DPYD: variants seen among roughly 807,000 people sequenced by gnomAD.
The protein encoded by DPYD is dihydropyrimidine dehydrogenase [NADP(+)].
DPYD carries 109 observed loss-of-function variants against 116.2 expected under a neutral mutation model. That is an observed-to-expected ratio of 0.94 (90% CI 0.80 to 1.10). The LOEUF is 1.10. Among genes scored for constraint, DPYD ranks in the 50% least tolerant of loss-of-function variants. DPYD has a pLI of 0.00. For missense variants in DPYD, 1,302 were observed against 1,254.5 expected (o/e 1.04, Z -0.57); for synonymous variants, 440 against 432.0 (o/e 1.02, Z -0.23).
intron 13 of DPYD, among the ~76,000 whole-genome samples, chr1:97,474,694 G>A (rs1039596151): frequency 6.6e-6 from 1 of 151,948 alleles, no homozygotes; most frequent in African/African-American, 2.4e-5. Context: ...GAACAAACTT[G>A]TGGTGGCATA....
At chr1:97,188,430 G>A (rs996895884) in intron 20 of DPYD, among the ~76,000 whole-genome samples, 9 of 152,040 alleles carry the variant, frequency 5.9e-5, no homozygotes, top group East Asian at 5.8e-4. Flanking sequence ...CAGATAATTC[G>A]TGCAATTTAA....
chr1:97,686,596 C>T (rs1443072206), intron 7 of DPYD, among the ~76,000 whole-genome samples: 1 of 128,734 alleles, frequency 7.8e-6, no homozygotes, highest in Non-Finnish European at 1.6e-5. Flanking sequence ...GAGATCGCGC[C>T]ACTGCACTCC....
chr1:97,096,918 G>T (rs1650296471), intron 21 of DPYD, among the ~76,000 whole-genome samples: 2 of 152,128 alleles, frequency 1.3e-5, no homozygotes, highest in African/African-American at 2.4e-5. Context: ...AACACTCACT[G>T]CGAAGGTCCA....
chr1:97,814,935 A>AGG (rs1553245558), intron 3 of DPYD, among the ~76,000 whole-genome samples: 4 of 79,300 alleles, frequency 5.0e-5, no homozygotes, highest in Admixed American at 1.4e-4. Flanking sequence ...AGAGAGAGGA[A>AGG]AGAAAGAAAG....
chr1:97,417,606 T>C (rs1287777654), intron 14 of DPYD, among the ~76,000 whole-genome samples: 1 of 152,214 alleles, frequency 6.6e-6, no homozygotes, highest in Non-Finnish European at 1.5e-5. Flanking sequence ...TAAATAGCCA[T>C]ATTGTGTTGC....
intron 20 of DPYD, among the ~76,000 whole-genome samples, chr1:97,172,130 G>A (rs953980500): frequency 1.3e-5 from 2 of 152,102 alleles, no homozygotes; most frequent in Non-Finnish European, 2.9e-5. Context: ...AATTTGAACC[G>A]CCCTCATTGT....
chr1:97,855,941 G>A (rs1174737727), intron 2 of DPYD: 5 of 152,212 alleles, frequency 3.3e-5, no homozygotes, highest in Non-Finnish European at 7.3e-5. Context: ...CAAGTTAAAG[G>A]TGAGAGACTG....
chr1:97,821,728 G>T (rs947505976), intron 3 of DPYD, among the ~76,000 whole-genome samples: 15 of 152,080 alleles, frequency 9.9e-5, no homozygotes, highest in African/African-American at 2.9e-4. Flanking sequence ...AGACTGCAGT[G>T]AACTTCTCCA....
intron 19 of DPYD, among the ~76,000 whole-genome samples, chr1:97,208,114 T>A (rs1271561434): frequency 6.6e-6 from 1 of 152,146 alleles, no homozygotes; most frequent in Non-Finnish European, 1.5e-5. Context: ...ATTCTGAATT[T>A]TTACCAGAAG....
intron 8 of DPYD, among the ~76,000 whole-genome samples, chr1:97,612,558 A>T (rs1209638014): frequency 2.0e-5 from 3 of 152,072 alleles, no homozygotes; most frequent in African/African-American, 7.2e-5. Flanking sequence ...AAACATTATT[A>T]TCTCTGCAGT....
intron 3 of DPYD, among the ~76,000 whole-genome samples, chr1:97,773,492 G>A (rs1330230207): frequency 2.0e-5 from 3 of 152,058 alleles, no homozygotes; most frequent in Non-Finnish European, 4.4e-5. Context: ...CTATTTTCAC[G>A]TCCGAATGTT....
chr1:97,269,003 C>T (rs1202729746), intron 18 of DPYD, among the ~76,000 whole-genome samples: 1 of 152,080 alleles, frequency 6.6e-6, no homozygotes, highest in African/African-American at 2.4e-5. Context: ...AAACATTTCT[C>T]TCTCTCATTT....
intron 20 of DPYD, among the ~76,000 whole-genome samples, chr1:97,135,688 A>G (rs1042953991): frequency 6.6e-6 from 1 of 152,200 alleles, no homozygotes; most frequent in Admixed American, 6.6e-5. Context: ...CTTTCCAAGT[A>G]GATTTCAAGG....
chr1:97,329,557 G>T (rs1366156967), intron 16 of DPYD, among the ~76,000 whole-genome samples: 16 of 151,514 alleles, frequency 1.1e-4, no homozygotes, highest in African/African-American at 3.9e-4. Flanking sequence ...GACCAGCCTG[G>T]CCAACATGGC....
chr1:97,465,695 A>G (rs1677282039), intron 13 of DPYD, among the ~76,000 whole-genome samples: 2 of 152,130 alleles, frequency 1.3e-5, no homozygotes, highest in South Asian at 4.1e-4. Flanking sequence ...AGATATATGG[A>G]ATTGTAAGTC....
intron 18 of DPYD, 30 bp from the exon 19 acceptor site, chr1:97,235,024 G>A (rs751798022): frequency 6.2e-7 from 1 of 1,613,690 alleles, no homozygotes; most frequent in African/African-American, 1.3e-5. Flanking sequence ...TCAATGGTTA[G>A]CACACTGACC....
intron 20 of DPYD, among the ~76,000 whole-genome samples, chr1:97,161,235 G>T (rs1010811567): frequency 6.6e-6 from 1 of 152,128 alleles, no homozygotes; most frequent in Admixed American, 6.6e-5. Context: ...CAGTTACAGG[G>T]AATGTCTCAA....
chr1:97,820,555 A>G (rs1312200757), intron 3 of DPYD, among the ~76,000 whole-genome samples: 1 of 152,210 alleles, frequency 6.6e-6, no homozygotes, highest in Non-Finnish European at 1.5e-5. Context: ...TTAACTCTGT[A>G]TAAATGGCTG....
At chr1:97,186,723 C>T (rs1262891520) in intron 20 of DPYD, among the ~76,000 whole-genome samples, 1 of 152,112 alleles carries the variant, frequency 6.6e-6, no homozygotes, top group Non-Finnish European at 1.5e-5. Flanking sequence ...GTGGCAGACG[C>T]CTGTAATCCC....
Sources: gnomAD v4.1 joint callset for allele counts (sites outside exome capture counted in the v4.1 genomes callset) on GRCh38, gnomAD v4.1.1 for gene constraint, MANE v1.5 for transcripts, NCBI Gene and HGNC (gene_info 2026-07-23, HGNC 2026-07-21) for gene names.